Variants in DPP7 observed in about 807,000 individuals in gnomAD.
DPP7 encodes dipeptidyl peptidase 2.
DPP7 carries 74 observed loss-of-function variants against 58.8 expected under a neutral mutation model. That is an observed-to-expected ratio of 1.26 (90% CI 1.04 to 1.53). The LOEUF is 1.53. Among genes scored for constraint, DPP7 ranks in the 40% most tolerant of loss-of-function variants. DPP7 has a pLI of 0.00. For missense variants in DPP7, 807 were observed against 692.3 expected (o/e 1.17, Z -1.86); for synonymous variants, 350 against 303.6 (o/e 1.15, Z -1.59).
upstream of DPP7, among the ~76,000 whole-genome samples, chr9:137,116,655 C>G (rs1186863988): frequency 6.6e-6 from 1 of 152,222 alleles, no homozygotes; most frequent in Non-Finnish European, 1.5e-5. Context: ...CTGATCGTCC[C>G]CCAGCCCGAC....
chr9:137,113,752 G>C, intron 4 of DPP7, 113 bp downstream of exon 4: 1 of 1,411,268 alleles, frequency 7.1e-7, no homozygotes, highest in Non-Finnish European at 9.2e-7. Flanking sequence ...ACCACTGCCT[G>C]AGGCCTTACG....
At chr9:137,111,030 G>T in intron 11 of DPP7, 80 bp from the exon 12 acceptor site, 1 of 1,382,418 alleles carries the variant, frequency 7.2e-7, no homozygotes. Flanking sequence ...GAGAGGAGAC[G>T]TGAGAGGGCG....
In DPP7 at chr9:137,114,637, C is replaced by T. The variant is rs916587198; in HGVS notation, c.67+10G>A. The T allele has an allele frequency of 1.4e-6, 2 of 1,392,764 alleles. No homozygotes were observed. The highest frequency in any genetic ancestry group is 1.5e-5 in the African/African-American group (1 of 65,424). The allele number at this position is 1,392,764 out of a possible 1,614,324, so 86.3% of individuals were successfully genotyped here. A position where few individuals can be genotyped will look rare whatever the true frequency, so the allele number is the denominator to read the frequency against. On this transcript the variant is annotated intron_variant, in intron 1 of 12. Transcript: ENST00000371579. ...GACCGGGGAATGGGCCGGGGGGCGC[C>T]GCCACTCACCCCCCGCCTGGAGGCC...
chr9:137,115,527 CAG>C (rs1016167470), upstream of DPP7, among the ~76,000 whole-genome samples: 1 of 152,156 alleles, frequency 6.6e-6, no homozygotes. Context: ...TAGCCAGGCC[CAG>C]AACAGGTGCA....
At chr9:137,113,771 G>T in intron 4 of DPP7, 94 bp downstream of exon 4, 2 of 1,402,724 alleles carry the variant, frequency 1.4e-6, no homozygotes, top group Non-Finnish European at 1.9e-6. Flanking sequence ...CGAAAAGGCA[G>T]CGGTGGGAGT....
In DPP7 at chr9:137,112,650, T is replaced by C. The variant is rs1370785252; in HGVS notation, c.931+95A>G. ...GCCCTGGGGCAGGAGGCAAAGCCCC[T>C]GGCCGGGCTGCGGATCCTCGCCCCA... On this transcript the variant is annotated intron_variant, in intron 8 of 12. Transcript: ENST00000371579. 2.1e-6 allele frequency: 3 copies of C among 1,432,014 alleles called. No individual in the cohort carries two copies. The African/African-American group carries it at 4.2e-5, about 20-fold the overall frequency. 88.7% of individuals were successfully genotyped at this position (1,432,014 alleles called of 1,614,324 possible). A position where few individuals can be genotyped will look rare whatever the true frequency, so the allele number is the denominator to read the frequency against.
rs564483110 is a variant in DPP7 at position 137,112,278 on chromosome 9, G to A, written c.932-48C>T. On this transcript the variant is annotated intron_variant, in intron 8 of 12. Transcript: ENST00000371579. ...CCCAGCGGCCACACACAGACACACC[G>A]CGGGCTCCGGCCACCAACCTGTCCC... 340 of 1,468,814 alleles carry A rather than the reference G, an allele frequency of 2.3e-4. 1 individual carries two copies. The East Asian group carries it at 6.0e-3, about 26-fold the overall frequency. The allele number at this position is 1,468,814 out of a possible 1,614,324, so 91.0% of individuals were successfully genotyped here. A position where few individuals can be genotyped will look rare whatever the true frequency, so the allele number is the denominator to read the frequency against.
Position 137,110,947 on chromosome 9 carries a change from G to A in DPP7, c.1276C>T (p.Arg426Trp), listed in dbSNP as rs149094336. 4.2e-4 allele frequency: 676 copies of A among 1,612,804 alleles called. No individual in the cohort carries two copies. Among genetic ancestry groups the A allele is most frequent in the African/African-American group, 1.4e-3 (103 of 74,908 alleles). Residue 426 changes from arginine to tryptophan, a missense_variant, in exon 12 of 13, where the codon CGG becomes TGG. Arg to Trp is a moderately radical substitution (Grantham distance 101). Around this residue, in one of 3 missense-constraint regions of DPP7, gnomAD observed 624 missense variants for 531.2 expected, o/e 1.17. Coordinates refer to ENST00000371579, the MANE Select transcript of DPP7 (RefSeq NM_013379.3). ...NLDPWAGGGI[R>W]RNLSASVIAV... ...ATGACTGAGGCACTCAGGTTCCTCC[G>A]AATCTGTGGTCAGTGGAAAGAACTC... is the stretch of plus-strand genomic sequence containing the variant.
Position 137,113,000 on chromosome 9 carries a change from G to T in DPP7, c.823C>A (p.Pro275Thr). ...GGACCCAGGAAGTCAGTGGGGTAGGGGTAGTCCATCATGGCCAGCACGGTG... is the reference window on the plus strand; with the variant it reads ...GGACCCAGGAAGTCAGTGGGGTAGGTGTAGTCCATCATGGCCAGCACGGTG... ...AFTVLAMMDYPYPTDFLGPLP... is the reference protein window; with the variant it reads ...AFTVLAMMDYTYPTDFLGPLP... The change falls in exon 7 of 13, where the codon CCC becomes ACC. Residue 275 changes from proline to threonine, a missense_variant. Pro to Thr is a conservative substitution (Grantham distance 38). Coordinates refer to ENST00000371579, the MANE Select transcript of DPP7 (RefSeq NM_013379.3). The T allele has an allele frequency of 1.2e-6, 2 of 1,613,734 alleles. No individual in the cohort carries two copies. The highest frequency in any genetic ancestry group is 1.7e-6 in the Non-Finnish European group (2 of 1,180,024).
At chr9:137,113,751 T>A in intron 4 of DPP7, 114 bp downstream of exon 4, 1 of 1,397,956 alleles carries the variant, frequency 7.2e-7, no homozygotes, top group Non-Finnish European at 9.3e-7. Context: ...AACCACTGCC[T>A]GAGGCCTTAC....
Position 137,110,559 on chromosome 9 carries a change from G to C in DPP7, c.*89C>G, listed in dbSNP as rs1372776239. The stretch of plus-strand genomic sequence containing the variant: ...GGGACATACATGGCCAGGCCTCCAG[G>C]CGTTTATTCAGCCCCTTCCCTCTGC... On this transcript the variant is annotated 3_prime_UTR_variant, in exon 13 of 13. Transcript: ENST00000371579. The C allele has an allele frequency of 1.3e-6, 2 of 1,504,348 alleles. No homozygotes were observed. Among genetic ancestry groups the C allele is most frequent in the Non-Finnish European group, 1.8e-6 (2 of 1,124,586 alleles). 93.2% of individuals were successfully genotyped at this position (1,504,348 alleles called of 1,614,324 possible).
At position 137,112,811 on chromosome 9, in the gene DPP7, G is replaced by T. The variant is rs1223996651; in HGVS notation, c.871-6C>A. 1 of 1,609,330 alleles carries T rather than the reference G, an allele frequency of 6.2e-7. No individual in the cohort carries two copies. The highest frequency in any genetic ancestry group is 1.3e-5 in the African/African-American group (1 of 74,932). On this transcript the variant is annotated splice_region_variant and splice_polypyrimidine_tract_variant and intron_variant, in intron 7 of 12. Coordinates refer to ENST00000371579, the MANE Select transcript of DPP7 (RefSeq NM_013379.3). The stretch of plus-strand genomic sequence containing the variant: ...AGCAGCCGATCACAGCCCACCTGGA[G>T]TGCAGGGGCAGCGGCGACTCAGCGG...
intron 7 of DPP7, 25 bp from the exon 8 acceptor site, chr9:137,112,830 T>C: frequency 1.2e-6 from 2 of 1,606,572 alleles, no homozygotes; most frequent in Non-Finnish European, 1.7e-6. Context: ...CAGCGGCGAC[T>C]CAGCGGGGTC....
chr9:137,116,793 G>A (rs184504833), upstream of DPP7, among the ~76,000 whole-genome samples: 165 of 152,334 alleles, frequency 1.1e-3, no homozygotes, highest in African/African-American at 3.8e-3. Context: ...AAACCCGATC[G>A]TACATTAGTT....
chr9:137,116,792 C>T (rs776834252), upstream of DPP7, among the ~76,000 whole-genome samples: 6 of 152,314 alleles, frequency 3.9e-5, no homozygotes, highest in African/African-American at 4.8e-5. Flanking sequence ...AAAACCCGAT[C>T]GTACATTAGT....
intron 8 of DPP7, chr9:137,112,509 C>T (rs1029237171): frequency 2.3e-5 from 15 of 650,556 alleles, no homozygotes; most frequent in Non-Finnish European, 3.1e-5. Context: ...CCAGGGGCCC[C>T]TTGGGCAGCA....
rs779761747 is a variant in DPP7 at position 137,112,166 on chromosome 9, A to G, written c.996T>C (p.Cys332=). 6.2e-6 allele frequency: 10 copies of G among 1,609,092 alleles called. No individual in the cohort carries two copies. In the Admixed American group the frequency reaches 8.3e-5, roughly 13 times the overall value. Residue 332 remains cysteine, a synonymous_variant, in exon 9 of 13, where the codon TGT becomes TGC. Coordinates refer to ENST00000371579, the MANE Select transcript of DPP7 (RefSeq NM_013379.3). ...CGGTGCCGCAGCCAGTGGGGTCAGC[A>G]CAGCTGTGGTAGAGCCGGTAGATGT... ...CYDIYRLYHS[C]ADPTGCGTGP...
upstream of DPP7, chr9:137,115,004 G>C (rs975530095): frequency 3.5e-6 from 1 of 284,948 alleles, no homozygotes; most frequent in African/African-American, 2.2e-5. Context: ...GCGCTAGGGC[G>C]AGTCCCTGCT....
In DPP7 at chr9:137,114,574, G is replaced by A. The variant is rs775439553; in HGVS notation, c.70C>T (p.Arg24Cys). 6.5e-6 allele frequency: 10 copies of A among 1,528,856 alleles called. No homozygotes were observed. The South Asian group carries it at 8.5e-5, about 13-fold the overall frequency. 94.7% of individuals were successfully genotyped at this position (1,528,856 alleles called of 1,614,324 possible). A position where few individuals can be genotyped will look rare whatever the true frequency, so the allele number is the denominator to read the frequency against. The change falls in exon 2 of 13, where the codon CGC becomes TGC. Residue 24 changes from arginine (R) to cysteine (C), a missense_variant and splice_region_variant. Physicochemically the swap from Arg to Cys is radical, Grantham distance 180. Coordinates refer to ENST00000371579, the MANE Select transcript of DPP7 (RefSeq NM_013379.3). ...TGGAAGCCGGGGTCCGGGGCCCTGC[G>A]GGCTGTGGGGGGACGCGAACCTCAG... ...LGLRGLQAGARRAPDPGFQER... is the reference protein window; with the variant it reads ...LGLRGLQAGACRAPDPGFQER...
Sources: gnomAD v4.1 joint callset for allele counts (sites outside exome capture counted in the v4.1 genomes callset) on GRCh38, gnomAD v4.1.1 for gene constraint, gnomAD v4.1.1 regional missense constraint, MANE v1.5 for transcripts, NCBI Gene and HGNC (gene_info 2026-07-23, HGNC 2026-07-21) for gene names.